Variants in P4HB observed in about 807,000 individuals in gnomAD.
P4HB encodes the protein protein disulfide-isomerase.
P4HB carries 20 observed loss-of-function variants against 52.6 expected under a neutral mutation model. The ratio of observed to expected loss-of-function variants is 0.38; its 90% CI spans 0.27 to 0.55. P4HB has a LOEUF of 0.55. P4HB is among the 20% of genes least tolerant of loss of function. The probability of loss-of-function intolerance (pLI) is 0.74; values close to 1 mark genes in which losing one functional copy is unlikely to be tolerated. For synonymous variants in P4HB, 296 were observed against 277.9 expected (o/e 1.07, Z -0.65); for missense variants, 601 against 669.2 (o/e 0.90, Z 1.12).
Position 81,860,492 on chromosome 17 carries a change from G to T in P4HB, c.-21C>A. On this transcript the variant is annotated 5_prime_UTR_variant, in exon 1 of 11. Transcript: ENST00000331483. Reference sequence around the variant, plus strand: ...AGCATGTCGGACACGGATCAGGCGGGGCGCTTCGGTTGGCGCCGCCGGGAC... The same window carrying T: ...AGCATGTCGGACACGGATCAGGCGGTGCGCTTCGGTTGGCGCCGCCGGGAC... 8.0e-7 allele frequency: 1 copy of T among 1,253,484 alleles called. No individual in the cohort carries two copies. The highest frequency in any genetic ancestry group is 1.0e-6 in the Non-Finnish European group (1 of 996,776). 77.6% of individuals were successfully genotyped at this position (1,253,484 alleles called of 1,614,324 possible). A position where few individuals can be genotyped will look rare whatever the true frequency, so the allele number is the denominator to read the frequency against.
chr17:81,846,932 A>T lies in P4HB; in HGVS notation c.855+15T>A, dbSNP rs1356804903. The T allele has an allele frequency of 6.2e-7, 1 of 1,613,494 alleles. No homozygotes were observed. The highest frequency in any genetic ancestry group is 1.7e-5 in the Admixed American group (1 of 60,024). ...CCTGGCACCGCCCCACGAGCCACCC[A>T]GAAGAGCAGCTCACCTTGCCCTTGA... On this transcript the variant is annotated intron_variant, in intron 6 of 10. Transcript: ENST00000331483. The surrounding 1 kb of genome is among the most constrained non-coding windows in gnomAD (Gnocchi z 5.7).
chr17:81,855,563 C>T lies in P4HB; in HGVS notation c.376G>A (p.Val126Met), dbSNP rs200582154. The T allele has an allele frequency of 5.0e-6, 8 of 1,613,854 alleles. No individual in the cohort carries two copies. Among genetic ancestry groups the T allele is most frequent in the Middle Eastern group, 1.7e-4 (1 of 6,060 alleles). Residue 126 changes from valine (V) to methionine (M), a missense_variant, in exon 3 of 11, where the codon GTG (valine) becomes ATG (methionine). Physicochemically the swap from Val to Met is conservative, Grantham distance 21. Coordinates refer to ENST00000331483, the MANE Select transcript of P4HB (RefSeq NM_000918.4). This position sits in a 1 kb window ranked among gnomAD's most constrained non-coding sequence, Gnocchi z 4.3. ...YTAGREADDI[V>M]NWLKKRTGPA... is the part of the protein sequence containing the mutation. The stretch of plus-strand genomic sequence containing the variant: ...CCCGTGCGCTTCTTCAGCCAGTTCA[C>T]GATGTCATCAGCCTCTCTGCCAGCT...
intron 2 of P4HB, among the ~76,000 whole-genome samples, chr17:81,857,499 A>G (rs1430409093): frequency 6.6e-6 from 1 of 152,192 alleles, no homozygotes; most frequent in African/African-American, 2.4e-5. Flanking sequence ...CATCAAACAC[A>G]TGTTCTCACC....
chr17:81,848,260 C>T (rs1311923540), intron 4 of P4HB, among the ~76,000 whole-genome samples: 2 of 152,220 alleles, frequency 1.3e-5, no homozygotes, highest in East Asian at 1.9e-4. Flanking sequence ...CTCCCTCTCA[C>T]GTGCTGCGGC....
intron 4 of P4HB, among the ~76,000 whole-genome samples, chr17:81,853,472 G>A (rs1598268831): frequency 3.3e-5 from 5 of 151,910 alleles, no homozygotes; most frequent in African/African-American, 1.2e-4. Context: ...TACTCGGGAG[G>A]CTGAGGCAGG....
intron 2 of P4HB, among the ~76,000 whole-genome samples, chr17:81,856,647 C>CTTT (rs112230345): frequency 7.8e-6 from 1 of 128,466 alleles, no homozygotes; most frequent in Non-Finnish European, 1.7e-5. Context: ...AATGTTTCTT[C>CTTT]TTTTTTTTTT....
At chr17:81,850,316 G>C (rs1233771572) in intron 4 of P4HB, among the ~76,000 whole-genome samples, 1 of 150,964 alleles carries the variant, frequency 6.6e-6, no homozygotes, top group Non-Finnish European at 1.5e-5. Context: ...TTTTTTAGTA[G>C]AGATGGAGTT....
intron 4 of P4HB, among the ~76,000 whole-genome samples, chr17:81,852,622 A>C (rs746635389): frequency 7.2e-5 from 11 of 152,262 alleles, no homozygotes; most frequent in Non-Finnish European, 1.0e-4. Flanking sequence ...GCCACCCACC[A>C]ACTGGCATCA....
chr17:81,843,459 CCT>C lies in P4HB; in HGVS notation c.*551_*552del. ...CTCCTCTTCCAGGCATGGGGGACAC[CCT>C]GACAGGATCCGGAAGTCTCCATTTA... is the stretch of plus-strand genomic sequence containing the variant. On this transcript the variant is annotated 3_prime_UTR_variant, in exon 11 of 11. Coordinates refer to ENST00000331483, the MANE Select transcript of P4HB (RefSeq NM_000918.4). 1 of 400,234 alleles carries C rather than the reference CCT, an allele frequency of 2.5e-6. No homozygotes were observed. Among genetic ancestry groups the C allele is most frequent in the Admixed American group, 4.4e-5 (1 of 22,928 alleles). The allele number at this position is 400,234 out of a possible 1,614,324, so 24.8% of individuals were successfully genotyped here.
chr17:81,853,047 A>G (rs2143344238), intron 4 of P4HB, among the ~76,000 whole-genome samples: 1 of 152,370 alleles, frequency 6.6e-6, no homozygotes, highest in Middle Eastern at 3.4e-3. Context: ...TGCAATGGCA[A>G]TAGACTAATT....
chr17:81,847,214 C>T (rs2038749200), intron 5 of P4HB, 29 bp downstream of exon 5: 2 of 1,609,886 alleles, frequency 1.2e-6, no homozygotes, highest in East Asian at 2.2e-5. Context: ...CTCCCCATCC[C>T]CAGCCTGGGG....
At chr17:81,845,516 C>G (rs1278889407) in intron 9 of P4HB, 45 bp downstream of exon 9, 2 of 1,527,594 alleles carry the variant, frequency 1.3e-6, no homozygotes, top group South Asian at 2.5e-5. Context: ...GGGACCACTG[C>G]TCTTCCCAGA....
At chr17:81,852,561 A>G (rs1432211789) in intron 4 of P4HB, among the ~76,000 whole-genome samples, 1 of 152,242 alleles carries the variant, frequency 6.6e-6, no homozygotes, top group African/African-American at 2.4e-5. Flanking sequence ...GCCTGCAACG[A>G]CCACGTTCGC....
intron 4 of P4HB, among the ~76,000 whole-genome samples, chr17:81,850,165 T>A (rs2143334458): frequency 6.6e-6 from 1 of 151,678 alleles, no homozygotes; most frequent in African/African-American, 2.4e-5. Context: ...GGAGTTTCAC[T>A]CTTGTTGCCC....
Position 81,845,966 on chromosome 17 carries a change from G to A in P4HB, c.1082C>T (p.Pro361Leu), listed in dbSNP as rs780965978. The A allele has an allele frequency of 3.4e-5, 54 of 1,611,050 alleles. No homozygotes were observed. The highest frequency in any genetic ancestry group is 6.7e-5 in the East Asian group (3 of 44,810). Residue 361 changes from proline to leucine, a missense_variant, in exon 8 of 11, where the codon CCG becomes CTG. Pro to Leu is a moderately conservative substitution (Grantham distance 98). Coordinates refer to ENST00000331483, the MANE Select transcript of P4HB (RefSeq NM_000918.4). ...IKPHLMSQEL[P>L]EDWDKQPVKV... is the part of the protein sequence containing the mutation. Reference sequence around the variant, plus strand: ...GACAGGCTGCTTGTCCCAGTCCTCCGGCAGCTCCTGGCTCATCAGGTGGGG... The same window carrying A: ...GACAGGCTGCTTGTCCCAGTCCTCCAGCAGCTCCTGGCTCATCAGGTGGGG...
chr17:81,854,147 C>T (rs901853603), intron 4 of P4HB, among the ~76,000 whole-genome samples: 1 of 152,252 alleles, frequency 6.6e-6, no homozygotes, highest in East Asian at 1.9e-4. Context: ...TGGGTGGGAA[C>T]ACGCCCAGAG....
In P4HB at chr17:81,846,525, C is replaced by T; in HGVS notation, c.960G>A (p.Leu320=). The T allele has an allele frequency of 1.9e-6, 3 of 1,613,848 alleles. No homozygotes were observed. Among genetic ancestry groups the T allele is most frequent in the East Asian group, 2.2e-5 (1 of 44,878 alleles). Residue 320 remains leucine (L), a synonymous_variant, in exon 7 of 11, where the codon CTG becomes CTA. Coordinates refer to ENST00000331483, the MANE Select transcript of P4HB (RefSeq NM_000918.4). The surrounding 1 kb of genome is among the most constrained non-coding windows in gnomAD (Gnocchi z 5.7). The stretch of plus-strand genomic sequence containing the variant: ...GCTTGTACTTGGTCATCTCCTCCTC[C>T]AGGGTGATGAGGCGCACGGCCGGGC... ...EECPAVRLIT[L]EEEMTKYKPE...
intron 4 of P4HB, among the ~76,000 whole-genome samples, chr17:81,854,604 TG>T (rs1320069390): frequency 6.6e-6 from 1 of 151,352 alleles, no homozygotes; most frequent in East Asian, 1.9e-4. Context: ...CCCAGCACTT[TG>T]GGAGGCTGAG....
At position 81,852,145 on chromosome 17, in the gene P4HB, C is replaced by T. The variant is rs140969859; in HGVS notation, c.624+2997G>A. ...CTGCAGTGAAGTGTGATTGTGCCAC[C>T]GCACTCCAGCCTGGTAACAGAGCGA... is the stretch of plus-strand genomic sequence containing the variant. On this transcript the variant is annotated intron_variant, in intron 4 of 10. Coordinates refer to ENST00000331483, the MANE Select transcript of P4HB (RefSeq NM_000918.4). 4.0e-4 allele frequency among the ~76,000 whole-genome samples: 61 copies of T among 152,282 alleles called. No individual in the cohort carries two copies. In the South Asian group the frequency reaches 5.2e-3, roughly 13 times the overall value.
Sources: gnomAD v4.1 joint callset for allele counts (sites outside exome capture counted in the v4.1 genomes callset) on GRCh38, gnomAD v4.1.1 for gene constraint, Gnocchi (gnomAD v3.1) non-coding constraint, MANE v1.5 for transcripts, NCBI Gene and HGNC (gene_info 2026-07-23, HGNC 2026-07-21) for gene names.